The following KLHL42 variants were observed in gnomAD, a reference collection of about 807,000 sequenced individuals.
KLHL42 encodes the protein kelch-like protein 42.
Under a neutral mutation model 32.7 loss-of-function variants are expected in KLHL42, and 27 were observed. The observed-to-expected ratio is 0.83, with a 90% CI of 0.61 to 1.14. The LOEUF is 1.14. Ranked by LOEUF, KLHL42 falls within the 50% of genes most tolerant of loss-of-function variation. The pLI is 0.00. For synonymous variants in KLHL42, 267 were observed against 248.2 expected (o/e 1.08, Z -0.71); for missense variants, 491 against 560.8 (o/e 0.88, Z 1.26).
intron 1 of KLHL42, among the ~76,000 whole-genome samples, chr12:27,790,107 A>G (rs1442725175): frequency 1.3e-5 from 2 of 152,020 alleles, no homozygotes; most frequent in African/African-American, 2.4e-5. Context: ...CATAGCCTCT[A>G]CCTCCATTCT....
rs2062227882 is a variant in KLHL42 at position 27,798,084 on chromosome 12, G to A, written c.1436G>A (p.Trp479Ter). Residue 479 changes from tryptophan (W) to a stop codon, truncating the protein, a stop_gained, in exon 3 of 3, where the codon TGG (tryptophan) becomes TAG (stop). Transcript: ENST00000381271. LOFTEE classifies it high-confidence loss of function. ...FLKYNIFSDS[W>*]EAFRRFPAFG... ...AAGTACAACATCTTTTCAGATAGTT[G>A]GGAAGCATTTCGGCGTTTTCCAGCT... 4 of 781,018 alleles carry A rather than the reference G, an allele frequency of 5.1e-6. No individual in the cohort carries two copies. Among genetic ancestry groups the A allele is most frequent in the Non-Finnish European group, 9.6e-6 (4 of 418,142 alleles). The allele number at this position is 781,018 out of a possible 1,614,324, so 48.4% of individuals were successfully genotyped here.
In KLHL42 at chr12:27,800,156, G is replaced by A. The variant is rs542070558; in HGVS notation, c.*1990G>A. 3.3e-5 allele frequency: 33 copies of A among 985,224 alleles called. No homozygotes were observed. The highest frequency in any genetic ancestry group is 6.1e-5 in the Admixed American group (1 of 16,266). 61.0% of individuals were successfully genotyped at this position (985,224 alleles called of 1,614,324 possible). A position where few individuals can be genotyped will look rare whatever the true frequency, so the allele number is the denominator to read the frequency against. The stretch of plus-strand genomic sequence containing the variant: ...CAGTTGAATTAGTACTGGACAAACA[G>A]TTGGAGATTAGTTTGCAAATAAGCA... On this transcript the variant is annotated 3_prime_UTR_variant, in exon 3 of 3. Coordinates refer to ENST00000381271, the MANE Select transcript of KLHL42 (RefSeq NM_020782.2).
intron 2 of KLHL42, among the ~76,000 whole-genome samples, chr12:27,795,136 T>C (rs1421237397): frequency 6.6e-6 from 1 of 152,218 alleles, no homozygotes; most frequent in African/African-American, 2.4e-5. Context: ...ATTCTAAGAA[T>C]TCTGATTCCT....
rs372029907 is a variant in KLHL42 at position 27,784,557 on chromosome 12, TG to T, written c.872+3356del. Among the ~76,000 whole-genome samples, 19 of 152,240 alleles carry T rather than the reference TG, an allele frequency of 1.2e-4. No individual in the cohort carries two copies. The South Asian group carries it at 2.9e-3, about 23-fold the overall frequency. On this transcript the variant is annotated intron_variant, in intron 1 of 2. Transcript: ENST00000381271. ...TGAGCCCAGGAACTGAAGGCTGCAG[TG>T]CACTCTCATCGGGCCCGTGAATAGC...
intron 1 of KLHL42, among the ~76,000 whole-genome samples, chr12:27,781,819 T>C (rs977421979): frequency 3.9e-5 from 6 of 152,172 alleles, no homozygotes; most frequent in Non-Finnish European, 7.3e-5. Flanking sequence ...AACTACAGAA[T>C]TGGAATATTT....
rs777794545 is a variant in KLHL42, at chr12:27,780,924, C to T, written c.594C>T (p.Ala198=). 13 of 1,605,610 alleles carry T rather than the reference C, an allele frequency of 8.1e-6. No homozygotes were observed. The highest frequency in any genetic ancestry group is 4.0e-5 in the African/African-American group (3 of 74,744). The change falls in exon 1 of 3, where the codon GCC becomes GCT. Residue 198 remains alanine (A), a synonymous_variant. Transcript: ENST00000381271. The surrounding 1 kb of genome is among the most constrained non-coding windows in gnomAD (Gnocchi z 8.8). The stretch of plus-strand genomic sequence containing the variant: ...TGACTGGGACTCCTGTCCTCGTGGC[C>T]CTCGGGGACTTCCTGGGGGGACCCC... The part of the protein sequence containing the change: ...ARMTGTPVLV[A]LGDFLGGPLA...
At chr12:27,788,588 G>A (rs1164549392) in intron 1 of KLHL42, among the ~76,000 whole-genome samples, 1 of 152,196 alleles carries the variant, frequency 6.6e-6, no homozygotes, top group East Asian at 1.9e-4. Context: ...CTAGCTACTT[G>A]GGAGGCTGAG....
At chr12:27,791,487 A>G (rs1429769640) in intron 1 of KLHL42, among the ~76,000 whole-genome samples, 1 of 152,162 alleles carries the variant, frequency 6.6e-6, no homozygotes, top group Non-Finnish European at 1.5e-5. Context: ...CTTATCTTCG[A>G]TAGCTAGTGT....
At chr12:27,789,806 C>CA (rs1250131611) in intron 1 of KLHL42, among the ~76,000 whole-genome samples, 1 of 152,066 alleles carries the variant, frequency 6.6e-6, no homozygotes, top group South Asian at 2.1e-4. Flanking sequence ...TCTGTTGGCA[C>CA]AAAAAAGTGG....
At chr12:27,789,815 GGGCTGGCTGGCT>G (rs149006498) in intron 1 of KLHL42, among the ~76,000 whole-genome samples, 4,056 of 152,072 alleles carry the variant, frequency 0.027, 171 homozygotes, top group African/African-American at 0.092. Flanking sequence ...ACAAAAAAGT[GGGCTGGCTGGCT>G]GGCTGGCTGG....
rs1384893357 is a variant in KLHL42 at position 27,781,078 on chromosome 12, A to G, written c.748A>G (p.Ile250Val). The G allele has an allele frequency of 1.9e-6, 3 of 1,614,070 alleles. No homozygotes were observed. Among genetic ancestry groups the G allele is most frequent in the Middle Eastern group, 1.6e-4 (1 of 6,084 alleles). Residue 250 changes from isoleucine (I) to valine (V), a missense_variant, in exon 1 of 3, where the codon ATC becomes GTC. Physicochemically the swap from Ile to Val is conservative, Grantham distance 29 (BLOSUM62 3). Transcript: ENST00000381271. Reference sequence around the variant, plus strand: ...CAATGTCAGGGGCTATGGGTCTGCCATCCTGGACAACTACCTCTTCATAGT... The same window carrying G: ...CAATGTCAGGGGCTATGGGTCTGCCGTCCTGGACAACTACCTCTTCATAGT... Reference protein sequence around the residue: ...LVNVRGYGSAILDNYLFIVGG... With the variant: ...LVNVRGYGSAVLDNYLFIVGG...
At chr12:27,797,135 A>C in intron 2 of KLHL42, 3 of 335,952 alleles carry the variant, frequency 8.9e-6, no homozygotes, top group South Asian at 2.0e-5. Context: ...AAAAAAAAAC[A>C]AAAAAAAAAC....
rs2062236070 is a variant in KLHL42, at chr12:27,799,748, T to A, written c.*1582T>A. Reference sequence around the variant, plus strand: ...TAAGCGTCCAGTTATAAAAAGCCTATTTGCACAACTTTTTGGGAATACTTC... The same window carrying A: ...TAAGCGTCCAGTTATAAAAAGCCTAATTGCACAACTTTTTGGGAATACTTC... On this transcript the variant is annotated 3_prime_UTR_variant, in exon 3 of 3. Transcript: ENST00000381271. The A allele has an allele frequency of 6.4e-6, 1 of 155,578 alleles. No homozygotes were observed. The highest frequency in any genetic ancestry group is 6.5e-5 in the Admixed American group (1 of 15,282). The allele number at this position is 155,578 out of a possible 1,614,324, so 9.6% of individuals were successfully genotyped here.
At chr12:27,795,191 C>G (rs567075726) in intron 2 of KLHL42, among the ~76,000 whole-genome samples, 1 of 152,222 alleles carries the variant, frequency 6.6e-6, no homozygotes, top group Non-Finnish European at 1.5e-5. Context: ...GCTGACATAA[C>G]GCACATATGT....
rs901413240 is a variant in KLHL42, at chr12:27,787,650, T to C, written c.873-4058T>C. On this transcript the variant is annotated intron_variant, in intron 1 of 2. Coordinates refer to ENST00000381271, the MANE Select transcript of KLHL42 (RefSeq NM_020782.2). ...TAGTCTTTTCCATTGCCCTGCACTTTAGCTCTGAAAATGGAGTTGGAGTGA... is the reference window on the plus strand; with the variant it reads ...TAGTCTTTTCCATTGCCCTGCACTTCAGCTCTGAAAATGGAGTTGGAGTGA... 5 of 152,374 alleles carry C rather than the reference T, an allele frequency of 3.3e-5. No homozygotes were observed. The East Asian group carries it at 9.6e-4, about 29-fold the overall frequency. The allele number at this position is 152,374 out of a possible 1,614,324, so 9.4% of individuals were successfully genotyped here.
In KLHL42 at chr12:27,798,519, T is replaced by C. The variant is rs2062230127; in HGVS notation, c.*353T>C. 12 of 238,354 alleles carry C rather than the reference T, an allele frequency of 5.0e-5. No individual in the cohort carries two copies. The South Asian group carries it at 7.1e-4, about 14-fold the overall frequency. 14.8% of individuals were successfully genotyped at this position (238,354 alleles called of 1,614,324 possible). A position where few individuals can be genotyped will look rare whatever the true frequency, so the allele number is the denominator to read the frequency against. On this transcript the variant is annotated 3_prime_UTR_variant, in exon 3 of 3. Transcript: ENST00000381271. ...ACAAATGGTAAAGATGATTTTAAAA[T>C]CTGTTGTATTTAGGTCCCTTGACAT...
In KLHL42 at chr12:27,802,942, T is replaced by G. The variant is rs2062254954; in HGVS notation, c.*4776T>G. 6.6e-6 allele frequency: 1 copy of G among 152,250 alleles called. No homozygotes were observed. The highest frequency in any genetic ancestry group is 1.5e-5 in the Non-Finnish European group (1 of 68,046). 9.4% of individuals were successfully genotyped at this position (152,250 alleles called of 1,614,324 possible). A position where few individuals can be genotyped will look rare whatever the true frequency, so the allele number is the denominator to read the frequency against. On this transcript the variant is annotated 3_prime_UTR_variant, in exon 3 of 3. Transcript: ENST00000381271. ...AAGTGTAAACATTATGTGATTCATTTGAATACAAGAATGCCTATGAAATAC... is the reference window on the plus strand; with the variant it reads ...AAGTGTAAACATTATGTGATTCATTGGAATACAAGAATGCCTATGAAATAC...
Position 27,797,838 on chromosome 12 carries a change from G to A in KLHL42, c.1190G>A (p.Gly397Glu). Residue 397 changes from glycine to glutamate, a missense_variant, in exon 3 of 3, where the codon GGG (glycine) becomes GAG (glutamate). Transcript: ENST00000381271. ...GTGGAAGAGACCATCTACATCGTGG[G>A]GGGGTGTCTCCACGAGCTGGGGCCC... Reference protein sequence around the residue: ...VSVEETIYIVGGCLHELGPNR... With the variant: ...VSVEETIYIVEGCLHELGPNR... 1 of 779,412 alleles carries A rather than the reference G, an allele frequency of 1.3e-6. No homozygotes were observed. Among genetic ancestry groups the A allele is most frequent in the Non-Finnish European group, 2.4e-6 (1 of 416,856 alleles). 48.3% of individuals were successfully genotyped at this position (779,412 alleles called of 1,614,324 possible).
chr12:27,788,064 G>A (rs2062180689), intron 1 of KLHL42: 1 of 152,166 alleles, frequency 6.6e-6, no homozygotes, highest in South Asian at 2.1e-4. Flanking sequence ...AATGCGTAGG[G>A]ACATGGCAGA....
Sources: allele counts gnomAD v4.1 joint callset (sites outside exome capture counted in the v4.1 genomes callset), GRCh38; gene constraint gnomAD v4.1.1; non-coding constraint Gnocchi (gnomAD v3.1); transcripts MANE v1.5; gene names NCBI Gene and HGNC (gene_info 2026-07-23, HGNC 2026-07-21).